DLGAP2: variants seen among roughly 807,000 people sequenced by gnomAD.
DLGAP2 encodes disks large-associated protein 2.
A neutral mutation model predicts 100.3 loss-of-function variants in DLGAP2; 26 were observed. That is an observed-to-expected ratio of 0.26 (90% CI 0.19 to 0.36). The LOEUF is 0.36. Among genes scored for constraint, DLGAP2 ranks in the 10% least tolerant of loss-of-function variants. DLGAP2 has a pLI of 1.00. For missense variants in DLGAP2, 1,858 were observed against 1,453.2 expected (o/e 1.28, Z -4.53); for synonymous variants, 886 against 630.1 (o/e 1.41, Z -6.08).
chr8:1,061,421 T>C (rs1021624825), intron 2 of DLGAP2, among the ~76,000 whole-genome samples: 13 of 152,104 alleles, frequency 8.5e-5, no homozygotes, highest in African/African-American at 2.9e-4. Flanking sequence ...CACGTGTTCG[T>C]TGAGGGAAAA....
intron 6 of DLGAP2, among the ~76,000 whole-genome samples, chr8:1,620,211 C>T (rs912046614): frequency 2.6e-5 from 4 of 152,098 alleles, no homozygotes; most frequent in African/African-American, 9.7e-5. Context: ...TAAAAATGAC[C>T]CCAGCTTGCT....
At chr8:950,133 A>G (rs1443556547) in intron 2 of DLGAP2, among the ~76,000 whole-genome samples, 7 of 152,150 alleles carry the variant, frequency 4.6e-5, no homozygotes, top group Admixed American at 1.3e-4. Context: ...AAGTGAAGTC[A>G]CCTGGAACGG....
At chr8:1,550,343 C>G (rs991475075) in intron 5 of DLGAP2, among the ~76,000 whole-genome samples, 4 of 152,190 alleles carry the variant, frequency 2.6e-5, no homozygotes, top group African/African-American at 7.2e-5. Context: ...ACGGGCAGCT[C>G]TCATGCGTGA....
chr8:1,377,063 G>A (rs185499051), intron 3 of DLGAP2, among the ~76,000 whole-genome samples: 4 of 152,342 alleles, frequency 2.6e-5, no homozygotes, highest in Admixed American at 1.3e-4. Flanking sequence ...CATTAGAATA[G>A]GGCAGTGAGA....
chr8:1,170,227 T>C (rs1349989481), intron 2 of DLGAP2, among the ~76,000 whole-genome samples: 1 of 152,248 alleles, frequency 6.6e-6, no homozygotes. Flanking sequence ...ATCCCAGGGA[T>C]GAAGCCCACT....
At chr8:838,954 G>A (rs1053453188) in intron 1 of DLGAP2, among the ~76,000 whole-genome samples, 11 of 152,184 alleles carry the variant, frequency 7.2e-5, no homozygotes, top group Admixed American at 2.0e-4. Context: ...TCATCACAGT[G>A]ATTAGATGCT....
chr8:1,446,491 G>T (rs1299423744), intron 3 of DLGAP2, among the ~76,000 whole-genome samples: 3 of 152,138 alleles, frequency 2.0e-5, no homozygotes, highest in African/African-American at 4.8e-5. Flanking sequence ...TTTGGTTACT[G>T]TTGCCTTGTA....
At chr8:849,999 G>C (rs1172664150) in intron 1 of DLGAP2, among the ~76,000 whole-genome samples, 1 of 151,178 alleles carries the variant, frequency 6.6e-6, no homozygotes, top group Non-Finnish European at 1.5e-5. Context: ...GGGAGGCAGA[G>C]GTTGCAGTGA....
At chr8:1,554,629 A>G (rs79699958) in intron 5 of DLGAP2, among the ~76,000 whole-genome samples, 8 of 152,080 alleles carry the variant, frequency 5.3e-5, no homozygotes, top group Non-Finnish European at 1.2e-4. Flanking sequence ...GGAGGGTCCA[A>G]CACACTCAGT....
intron 2 of DLGAP2, among the ~76,000 whole-genome samples, chr8:1,222,926 C>T (rs950503086): frequency 4.6e-5 from 7 of 152,180 alleles, no homozygotes; most frequent in African/African-American, 1.7e-4. Context: ...CCACAGCTAA[C>T]AAAGCCTAAA....
intron 2 of DLGAP2, among the ~76,000 whole-genome samples, chr8:1,029,797 C>T (rs1801924174): frequency 6.6e-6 from 1 of 152,110 alleles, no homozygotes; most frequent in South Asian, 2.1e-4. Flanking sequence ...AAAAATGCGT[C>T]CTTGTCTGGG....
At position 737,718 on chromosome 8, in the gene DLGAP2, C is replaced by T; in HGVS notation, c.-90C>T. The T allele has an allele frequency of 2.7e-6, 1 of 373,700 alleles. No homozygotes were observed. Among genetic ancestry groups the T allele is most frequent in the Non-Finnish European group, 4.8e-6 (1 of 209,738 alleles). The allele number at this position is 373,700 out of a possible 1,614,324, so 23.1% of individuals were successfully genotyped here. A position where few individuals can be genotyped will look rare whatever the true frequency, so the allele number is the denominator to read the frequency against. ...GACGGACCGCGGACGGACGTACTGACCCCAACCCGCGAGCCCCGGGAGCCG... is the reference window on the plus strand; with the variant it reads ...GACGGACCGCGGACGGACGTACTGATCCCAACCCGCGAGCCCCGGGAGCCG... On this transcript the variant is annotated 5_prime_UTR_variant, in exon 1 of 15. Transcript: ENST00000637795.
At chr8:903,764 A>G (rs1798314568) in intron 1 of DLGAP2, among the ~76,000 whole-genome samples, 1 of 152,202 alleles carries the variant, frequency 6.6e-6, no homozygotes, top group African/African-American at 2.4e-5. Context: ...GCGCCTCCAG[A>G]CATGACCTTA....
intron 2 of DLGAP2, among the ~76,000 whole-genome samples, chr8:962,553 C>G (rs1024305213): frequency 6.6e-6 from 1 of 152,160 alleles, no homozygotes; most frequent in Non-Finnish European, 1.5e-5. Flanking sequence ...CTGGCCTGAC[C>G]TGTGCTCCCA....
At chr8:931,295 C>T (rs990951096) in intron 2 of DLGAP2, among the ~76,000 whole-genome samples, 2 of 152,180 alleles carry the variant, frequency 1.3e-5, no homozygotes, top group African/African-American at 4.8e-5. Context: ...TATGTCCACA[C>T]CCTGGTGTCT....
chr8:1,450,636 T>TC (rs143770107), intron 3 of DLGAP2, among the ~76,000 whole-genome samples: 6 of 151,712 alleles, frequency 4.0e-5, no homozygotes, highest in African/African-American at 9.7e-5. Flanking sequence ...AACTTTGTCT[T>TC]CCCCCCCATC....
At chr8:1,633,292 A>G (rs1797695460) in intron 8 of DLGAP2, among the ~76,000 whole-genome samples, 1 of 147,982 alleles carries the variant, frequency 6.8e-6, no homozygotes, top group African/African-American at 2.6e-5. Context: ...ATCAAGTGTA[A>G]CTTGTGTAAA....
intron 2 of DLGAP2, among the ~76,000 whole-genome samples, chr8:975,857 C>T (rs1800148970): frequency 6.6e-6 from 1 of 152,084 alleles, no homozygotes; most frequent in South Asian, 2.1e-4. Flanking sequence ...TGAGCAAATG[C>T]AATGAGACAG....
intron 3 of DLGAP2, among the ~76,000 whole-genome samples, chr8:1,298,889 A>C (rs1472553342): frequency 6.6e-6 from 1 of 152,092 alleles, no homozygotes; most frequent in African/African-American, 2.4e-5. Flanking sequence ...CACAGGCCTG[A>C]GGCAGGAACG....
Sources: gnomAD v4.1 joint callset for allele counts (sites outside exome capture counted in the v4.1 genomes callset) on GRCh38, gnomAD v4.1.1 for gene constraint, MANE v1.5 for transcripts, NCBI Gene and HGNC (gene_info 2026-07-23, HGNC 2026-07-21) for gene names.